Variants in OR2L13 observed in about 807,000 individuals in gnomAD.
OR2L13 encodes olfactory receptor family 2 subfamily L member 13, also known as olfactory receptor 2L13.
OR2L13 carries 14 observed loss-of-function variants against 15.3 expected under a neutral mutation model. The observed-to-expected ratio is 0.91, with a 90% CI of 0.60 to 1.43. The LOEUF (loss-of-function observed/expected upper bound fraction) is 1.43, where lower values mean the gene tolerates loss of function less well. Ranked by LOEUF, OR2L13 falls within the 40% of genes most tolerant of loss-of-function variation. The probability of loss-of-function intolerance (pLI) is 0.00; values close to 1 mark genes in which losing one functional copy is unlikely to be tolerated. For synonymous variants in OR2L13, 152 were observed against 142.9 expected (o/e 1.06, Z -0.45); for missense variants, 367 against 387.9 (o/e 0.95, Z 0.45).
the OR2L13 span, among the ~76,000 whole-genome samples, chr1:247,961,481 G>A: frequency 0.047 from 7,084 of 152,272 alleles, 624 homozygotes; most frequent in East Asian, 0.4. Flanking sequence ...GCTTGTGATG[G>A]TAAAGTAAGG....
At chr1:248,061,130 T>C in the OR2L13 span, 19 of 1,613,838 alleles carry the variant, frequency 1.2e-5, no homozygotes, top group African/African-American at 5.3e-5. Context: ...TCTTGGATCA[T>C]AGGCTCGATC....
chr1:248,029,693 C>A, the OR2L13 span, among the ~76,000 whole-genome samples: 2 of 152,080 alleles, frequency 1.3e-5, no homozygotes, highest in Admixed American at 6.6e-5. Flanking sequence ...TGGCTTAAAT[C>A]TTGTTGCCAA....
At chr1:247,956,605 C>T in the OR2L13 span, among the ~76,000 whole-genome samples, 1 of 150,946 alleles carries the variant, frequency 6.6e-6, no homozygotes, top group Non-Finnish European at 1.5e-5. Context: ...TTCTTTGTAT[C>T]CTCTTTCATT....
the OR2L13 span, chr1:247,949,266 A>G: frequency 1.2e-6 from 2 of 1,614,210 alleles, no homozygotes; most frequent in Non-Finnish European, 1.7e-6. Context: ...CCGCATGAGC[A>G]AAAGAGTGTG....
At chr1:247,996,233 T>C in the OR2L13 span, among the ~76,000 whole-genome samples, 1 of 152,170 alleles carries the variant, frequency 6.6e-6, no homozygotes, top group Non-Finnish European at 1.5e-5. Context: ...AGTCTCCCCA[T>C]AGGTGGAATG....
chr1:248,027,381 G>A, the OR2L13 span, among the ~76,000 whole-genome samples: 4 of 152,066 alleles, frequency 2.6e-5, no homozygotes, highest in South Asian at 2.1e-4. Flanking sequence ...CCGTGATCTC[G>A]CCCTGCCTCC....
the OR2L13 span, among the ~76,000 whole-genome samples, chr1:248,025,579 C>T: frequency 6.7e-6 from 1 of 148,588 alleles, no homozygotes; most frequent in Non-Finnish European, 1.5e-5. Flanking sequence ...TACCATTTGA[C>T]CCAGCCATCC....
At chr1:248,090,105 T>G in the OR2L13 span, among the ~76,000 whole-genome samples, 1 of 152,262 alleles carries the variant, frequency 6.6e-6, no homozygotes, top group African/African-American at 2.4e-5. Flanking sequence ...CACTTCTCCT[T>G]GCTTGCCCCC....
chr1:248,060,796 A>T, the OR2L13 span: 1 of 1,614,060 alleles, frequency 6.2e-7, no homozygotes, highest in East Asian at 2.2e-5. Context: ...AATGGCTCTA[A>T]TTGGAAACCT....
chr1:248,008,065 A>T, the OR2L13 span, among the ~76,000 whole-genome samples: 1 of 152,284 alleles, frequency 6.6e-6, no homozygotes, highest in African/African-American at 2.4e-5. Context: ...TGCATGCAGC[A>T]AGCTATAAAG....
chr1:247,962,512 T>A, the OR2L13 span, among the ~76,000 whole-genome samples: 1 of 152,238 alleles, frequency 6.6e-6, no homozygotes, highest in Non-Finnish European at 1.5e-5. Context: ...ATGACCTGAT[T>A]AAATATCTCA....
At chr1:247,976,578 A>G in the OR2L13 span, among the ~76,000 whole-genome samples, 789 of 152,324 alleles carry the variant, frequency 5.2e-3, 3 homozygotes, top group Non-Finnish European at 8.1e-3. Flanking sequence ...ATGTAGTTGG[A>G]TGTCAAACAT....
At chr1:247,966,577 A>C in the OR2L13 span, among the ~76,000 whole-genome samples, 3 of 152,200 alleles carry the variant, frequency 2.0e-5, no homozygotes, top group Non-Finnish European at 2.9e-5. Context: ...TTTAACCTCA[A>C]GATAATCTAT....
chr1:248,083,592 A>C, the OR2L13 span: 1 of 1,213,152 alleles, frequency 8.2e-7, no homozygotes, highest in Non-Finnish European at 1.2e-6. Context: ...ATGTGTTAAA[A>C]TGTTGATAAA....
the OR2L13 span, among the ~76,000 whole-genome samples, chr1:248,054,868 A>T: frequency 6.6e-6 from 1 of 152,186 alleles, no homozygotes; most frequent in Non-Finnish European, 1.5e-5. Flanking sequence ...TTCTAGATAG[A>T]ATCATATCAT....
At chr1:247,938,631 T>C in the OR2L13 span, among the ~76,000 whole-genome samples, 1 of 152,100 alleles carries the variant, frequency 6.6e-6, no homozygotes, top group Non-Finnish European at 1.5e-5. Flanking sequence ...GAAGACTTCA[T>C]GTAAATAAAC....
chr1:248,039,469 C>G, the OR2L13 span: 1 of 269,528 alleles, frequency 3.7e-6, no homozygotes, highest in Non-Finnish European at 7.2e-6. Context: ...TGCCCAGGCT[C>G]TAATGCAATG....
chr1:248,038,926 T>C, the OR2L13 span: 1 of 1,614,130 alleles, frequency 6.2e-7, no homozygotes, highest in Non-Finnish European at 8.5e-7. Context: ...TATGGCCGGG[T>C]TCTCCTTGCT....
the OR2L13 span, chr1:248,045,706 G>A: frequency 6.6e-6 from 1 of 152,184 alleles, no homozygotes; most frequent in Non-Finnish European, 1.5e-5. Context: ...TGACTTTCAG[G>A]AAATTGTCCT....
Sources: gnomAD v4.1 joint callset for allele counts (sites outside exome capture counted in the v4.1 genomes callset) on GRCh38, gnomAD v4.1.1 for gene constraint, MANE v1.5 for transcripts, NCBI Gene and HGNC (gene_info 2026-07-23, HGNC 2026-07-21) for gene names.